Variants in NOL10 observed in about 807,000 individuals in gnomAD.
NOL10 encodes the protein H_NH0074G24.1.
In NOL10, 58 loss-of-function variants were observed where a neutral mutation model predicts 103.5. The observed-to-expected ratio is 0.56, with a 90% CI of 0.45 to 0.70. NOL10 has a LOEUF of 0.70. Among genes scored for constraint, NOL10 ranks in the 30% least tolerant of loss-of-function variants. The pLI is 0.00. For synonymous variants in NOL10, 287 were observed against 282.5 expected, an observed-to-expected ratio of 1.02 and a Z score of -0.16; for missense variants, 763 against 807.3, an observed-to-expected ratio of 0.95 and a Z score of 0.67.
At chr2:10,625,659 C>A (rs1677411501) in intron 13 of NOL10, among the ~76,000 whole-genome samples, 1 of 152,080 alleles carries the variant, frequency 6.6e-6, no homozygotes, top group African/African-American at 2.4e-5. Context: ...GTAATAACTA[C>A]TTTCTAGAGC....
chr2:10,595,592 TGTTTTGTTTTTGTTTG>T (rs1572256844), intron 17 of NOL10, among the ~76,000 whole-genome samples: 2 of 133,902 alleles, frequency 1.5e-5, no homozygotes, highest in African/African-American at 6.1e-5. Flanking sequence ...TTTTTTGTTT[TGTTTTGTTTTTGTTTG>T]TTTGTTTGTT....
chr2:10,595,686 C>T (rs540408172), intron 17 of NOL10, among the ~76,000 whole-genome samples: 12 of 151,824 alleles, frequency 7.9e-5, no homozygotes, highest in African/African-American at 2.7e-4. Context: ...CTCACTGCAA[C>T]CTCTGCCTCC....
chr2:10,641,038 G>T (rs1054175837), intron 13 of NOL10, among the ~76,000 whole-genome samples: 2 of 150,688 alleles, frequency 1.3e-5, no homozygotes, highest in African/African-American at 4.9e-5. Context: ...ACAAAAATTA[G>T]GGCCAGGTGC....
chr2:10,578,369 T>C (rs1193157712), intron 19 of NOL10, among the ~76,000 whole-genome samples: 1 of 152,268 alleles, frequency 6.6e-6, no homozygotes, highest in Non-Finnish European at 1.5e-5. Flanking sequence ...TGGGTAACTG[T>C]ACCTGATTCA....
intron 13 of NOL10, among the ~76,000 whole-genome samples, chr2:10,627,004 A>C (rs1451292844): frequency 5.3e-5 from 8 of 152,206 alleles, no homozygotes; most frequent in Non-Finnish European, 2.9e-5. Context: ...TTGTGATCCA[A>C]TAAATTGTGA....
At chr2:10,591,992 C>A (rs529538637) in intron 17 of NOL10, among the ~76,000 whole-genome samples, 35 of 133,368 alleles carry the variant, frequency 2.6e-4, no homozygotes, top group African/African-American at 1.0e-3. Flanking sequence ...ACAGAGAGAC[C>A]TTGTCACAAA....
At chr2:10,604,763 T>C (rs6432113) in intron 14 of NOL10, 90,045 of 152,120 alleles carry the variant, frequency 0.59, 27,661 homozygotes, top group African/African-American at 0.74. Context: ...AACCCGAGAA[T>C]CGGATGCAGC....
intron 19 of NOL10, among the ~76,000 whole-genome samples, chr2:10,583,510 G>A (rs1223017268): frequency 6.6e-6 from 1 of 152,170 alleles, no homozygotes; most frequent in African/African-American, 2.4e-5. Flanking sequence ...CACAGAAGAC[G>A]CATGGGCTCC....
rs752904667 is a variant in NOL10 at position 10,680,800 on chromosome 2, T to C, written c.211+1171A>G. Among the ~76,000 whole-genome samples the C allele has an allele frequency of 6.6e-5, 10 of 152,214 alleles. 1 individual carries two copies. The highest frequency in any genetic ancestry group is 1.5e-4 in the Non-Finnish European group (10 of 68,024). ...ATCAGCAAAAAATGTTTGGACAATA[T>C]ACAGGACTTACGCGCCAAAATCACA... On this transcript the variant is annotated intron_variant, in intron 3 of 20. Transcript: ENST00000381685.
intron 20 of NOL10, among the ~76,000 whole-genome samples, chr2:10,572,441 C>T (rs548482523): frequency 6.6e-6 from 1 of 152,188 alleles, no homozygotes; most frequent in East Asian, 1.9e-4. Context: ...GAACCCCAGG[C>T]AAGAGAAGGG....
intron 3 of NOL10, among the ~76,000 whole-genome samples, chr2:10,677,192 G>T (rs929189796): frequency 6.6e-6 from 1 of 152,084 alleles, no homozygotes; most frequent in African/African-American, 2.4e-5. Context: ...GCCTGTCTCC[G>T]CCTGCCTAAG....
intron 19 of NOL10, among the ~76,000 whole-genome samples, chr2:10,582,982 C>T (rs10929679): frequency 0.34 from 52,278 of 152,068 alleles, 9,410 homozygotes; most frequent in Non-Finnish European, 0.4. Context: ...CAGTTGGCCA[C>T]TTGGCAGGAC....
At chr2:10,645,818 C>G (rs552735459) in intron 12 of NOL10, among the ~76,000 whole-genome samples, 1 of 151,922 alleles carries the variant, frequency 6.6e-6, no homozygotes, top group Non-Finnish European at 1.5e-5. Flanking sequence ...CATGAGCCAC[C>G]GCATCTGGCC....
chr2:10,689,255 T>G (rs4586606), intron 1 of NOL10, among the ~76,000 whole-genome samples: 45,021 of 152,152 alleles, frequency 0.3, 6,967 homozygotes, highest in South Asian at 0.48. Flanking sequence ...AATTACCGAC[T>G]TGTCCAAGCC....
intron 10 of NOL10, among the ~76,000 whole-genome samples, chr2:10,658,904 C>T (rs2148317856): frequency 6.6e-6 from 1 of 152,250 alleles, no homozygotes; most frequent in Middle Eastern, 3.4e-3. Flanking sequence ...CACAGTGAGA[C>T]CCTGTCTCTA....
chr2:10,571,809 G>T lies in NOL10; in HGVS notation c.*262C>A. On this transcript the variant is annotated 3_prime_UTR_variant, in exon 21 of 21. Transcript: ENST00000381685. ...AAAAAAACCCCAGCCTGGTTTTCATGATTAACGCCGTGGGGAAAGGACAAT... is the reference window on the plus strand; with the variant it reads ...AAAAAAACCCCAGCCTGGTTTTCATTATTAACGCCGTGGGGAAAGGACAAT... 3.0e-6 allele frequency: 1 copy of T among 334,702 alleles called. No homozygotes were observed. The highest frequency in any genetic ancestry group is 4.5e-5 in the Admixed American group (1 of 22,460). 20.7% of individuals were successfully genotyped at this position (334,702 alleles called of 1,614,324 possible). A position where few individuals can be genotyped will look rare whatever the true frequency, so the allele number is the denominator to read the frequency against.
At chr2:10,600,424 G>A (rs1017940715) in intron 17 of NOL10, among the ~76,000 whole-genome samples, 5 of 152,020 alleles carry the variant, frequency 3.3e-5, no homozygotes, top group East Asian at 3.8e-4. Flanking sequence ...TAATCTAAAC[G>A]TTTAACAATA....
At chr2:10,587,512 GC>G (rs35920322) in intron 19 of NOL10, among the ~76,000 whole-genome samples, 51,448 of 148,956 alleles carry the variant, frequency 0.35, 9,279 homozygotes, top group Non-Finnish European at 0.4. Flanking sequence ...CTCATGATCT[GC>G]CCCCCCCTTG....
In NOL10 at chr2:10,633,793, A is replaced by ATGTG. The variant is rs34227530; in HGVS notation, c.1026+10523_1026+10526dup. On this transcript the variant is annotated intron_variant, in intron 13 of 20. Coordinates refer to ENST00000381685, the MANE Select transcript of NOL10 (RefSeq NM_024894.4). ...ATTTATATTTGTTTTGTTTATATGT[A>ATGTG]TGTGTGTGTGTGTGTGTGTGTATAT... Among the ~76,000 whole-genome samples the ATGTG allele has an allele frequency of 7.9e-4, 118 of 149,356 alleles. 2 individuals are homozygous for ATGTG. In the East Asian group the frequency reaches 0.015, roughly 19 times the overall value.
Sources: gnomAD v4.1 joint callset for allele counts (sites outside exome capture counted in the v4.1 genomes callset) on GRCh38, gnomAD v4.1.1 for gene constraint, MANE v1.5 for transcripts, NCBI Gene and HGNC (gene_info 2026-07-23, HGNC 2026-07-21) for gene names.